The following FAM174A variants were observed in gnomAD, a reference collection of about 807,000 sequenced individuals.
FAM174A encodes membrane protein FAM174A.
In FAM174A, 14 loss-of-function variants were observed where a neutral mutation model predicts 14.3. The observed-to-expected ratio is 0.98, with a 90% CI of 0.65 to 1.53. The LOEUF is 1.53. Ranked by LOEUF, FAM174A falls within the 40% of genes most tolerant of loss-of-function variation. The pLI is 0.00. For synonymous variants in FAM174A, 108 were observed against 111.4 expected, an observed-to-expected ratio of 0.97 and a Z score of 0.19; for missense variants, 241 against 249.6, an observed-to-expected ratio of 0.97 and a Z score of 0.23.
intron 2 of FAM174A, among the ~76,000 whole-genome samples, chr5:100,584,265 C>G (rs1747077835): frequency 1.3e-5 from 2 of 152,204 alleles, no homozygotes; most frequent in African/African-American, 4.8e-5. Flanking sequence ...TTGCATGAAA[C>G]AGTACTGTTA....
At chr5:100,546,395 G>A (rs977148131) in intron 1 of FAM174A, among the ~76,000 whole-genome samples, 1 of 152,120 alleles carries the variant, frequency 6.6e-6, no homozygotes, top group Non-Finnish European at 1.5e-5. Flanking sequence ...GGGAGGCAGG[G>A]GGAGGGAGGT....
intron 1 of FAM174A, among the ~76,000 whole-genome samples, chr5:100,546,835 C>T (rs972826808): frequency 3.3e-5 from 5 of 152,142 alleles, no homozygotes; most frequent in African/African-American, 4.8e-5. Context: ...ATTTTCTTCT[C>T]ACTGTCGACT....
chr5:100,573,715 G>GA (rs1217844074), intron 2 of FAM174A, among the ~76,000 whole-genome samples: 1 of 149,688 alleles, frequency 6.7e-6, no homozygotes, highest in Non-Finnish European at 1.5e-5. Context: ...CACAGAACTG[G>GA]AAAAAACTAC....
At chr5:100,584,359 G>A (rs946227562) in intron 2 of FAM174A, among the ~76,000 whole-genome samples, 7 of 151,896 alleles carry the variant, frequency 4.6e-5, no homozygotes, top group African/African-American at 1.7e-4. Flanking sequence ...TTCCAGAACA[G>A]GGCACTTTAA....
chr5:100,555,128 T>G (rs1315337758), intron 1 of FAM174A, among the ~76,000 whole-genome samples: 1 of 151,490 alleles, frequency 6.6e-6, no homozygotes, highest in Non-Finnish European at 1.5e-5. Flanking sequence ...CCTTCCTGTG[T>G]CCATGTGTTC....
chr5:100,539,565 C>G (rs1040720389), intron 1 of FAM174A, among the ~76,000 whole-genome samples: 1 of 151,910 alleles, frequency 6.6e-6, no homozygotes, highest in Admixed American at 6.6e-5. Flanking sequence ...GATATAATAC[C>G]GCATACTTTA....
intron 1 of FAM174A, among the ~76,000 whole-genome samples, chr5:100,547,422 A>T (rs1054656652): frequency 4.6e-5 from 7 of 152,136 alleles, no homozygotes; most frequent in African/African-American, 1.7e-4. Flanking sequence ...TAGGACACTG[A>T]AGAGCCCAGT....
At chr5:100,546,846 G>C (rs1214612933) in intron 1 of FAM174A, among the ~76,000 whole-genome samples, 1 of 152,056 alleles carries the variant, frequency 6.6e-6, no homozygotes, top group Non-Finnish European at 1.5e-5. Context: ...ACTGTCGACT[G>C]CTTACTGTGT....
intron 1 of FAM174A, among the ~76,000 whole-genome samples, chr5:100,556,017 G>A (rs986771134): frequency 5.9e-5 from 9 of 152,018 alleles, no homozygotes; most frequent in Non-Finnish European, 1.0e-4. Flanking sequence ...AGTCCTTGTC[G>A]GTGCCTATGT....
At chr5:100,556,677 C>T (rs1746391029) in intron 1 of FAM174A, among the ~76,000 whole-genome samples, 2 of 152,072 alleles carry the variant, frequency 1.3e-5, no homozygotes, top group Non-Finnish European at 2.9e-5. Context: ...AAGTTAGATT[C>T]CTAGGTATTT....
intron 2 of FAM174A, among the ~76,000 whole-genome samples, chr5:100,567,552 T>C (rs974671849): frequency 1.4e-4 from 22 of 151,938 alleles, no homozygotes; most frequent in African/African-American, 4.3e-4. Flanking sequence ...GAAATAATTT[T>C]AAACTTACAG....
intron 1 of FAM174A, among the ~76,000 whole-genome samples, chr5:100,545,365 C>A (rs1746144754): frequency 6.6e-6 from 1 of 151,972 alleles, no homozygotes; most frequent in Non-Finnish European, 1.5e-5. Context: ...TCAGGTTTTC[C>A]TTGGCGTTTT....
At chr5:100,556,243 G>C (rs1341004152) in intron 1 of FAM174A, among the ~76,000 whole-genome samples, 2 of 152,188 alleles carry the variant, frequency 1.3e-5, no homozygotes, top group South Asian at 4.1e-4. Context: ...TCAAAGATCA[G>C]ATGGTTGTAG....
At chr5:100,561,135 T>G (rs1746514322) in intron 1 of FAM174A, among the ~76,000 whole-genome samples, 2 of 151,878 alleles carry the variant, frequency 1.3e-5, no homozygotes, top group South Asian at 4.1e-4. Flanking sequence ...GTAAATGATT[T>G]GAAGGAAAAG....
At chr5:100,556,024 A>G (rs944364657) in intron 1 of FAM174A, among the ~76,000 whole-genome samples, 1 of 152,176 alleles carries the variant, frequency 6.6e-6, no homozygotes, top group Non-Finnish European at 1.5e-5. Flanking sequence ...GTCGGTGCCT[A>G]TGTCCTGAAT....
chr5:100,572,340 C>T (rs1256045723), intron 2 of FAM174A, among the ~76,000 whole-genome samples: 2 of 147,182 alleles, frequency 1.4e-5, no homozygotes, highest in Admixed American at 6.9e-5. Flanking sequence ...CATGCTGGTG[C>T]GCTGCACCCA....
chr5:100,549,340 A>G (rs1746218515), intron 1 of FAM174A, among the ~76,000 whole-genome samples: 1 of 152,166 alleles, frequency 6.6e-6, no homozygotes, highest in Non-Finnish European at 1.5e-5. Context: ...AGGGAAGACA[A>G]AGAAATCCAT....
At chr5:100,561,204 T>C (rs1746515668) in intron 1 of FAM174A, among the ~76,000 whole-genome samples, 1 of 151,968 alleles carries the variant, frequency 6.6e-6, no homozygotes, top group South Asian at 2.1e-4. Flanking sequence ...ATTTCATTCA[T>C]ATGGCTAATA....
intron 2 of FAM174A, among the ~76,000 whole-genome samples, chr5:100,574,098 T>C (rs879623338): frequency 2.6e-5 from 4 of 152,196 alleles, no homozygotes; most frequent in Non-Finnish European, 5.9e-5. Context: ...ATTAATGAAC[T>C]GTATATGTGA....
Sources: gnomAD v4.1 joint callset for allele counts (sites outside exome capture counted in the v4.1 genomes callset) on GRCh38, gnomAD v4.1.1 for gene constraint, MANE v1.5 for transcripts, NCBI Gene and HGNC (gene_info 2026-07-23, HGNC 2026-07-21) for gene names.